FMO3: variants seen among roughly 807,000 people sequenced by gnomAD.
FMO3 encodes flavin containing dimethylaniline monoxygenase 3, also known as flavin-containing monooxygenase 3.
Under a neutral mutation model 39.4 loss-of-function variants are expected in FMO3, and 40 were observed. The ratio of observed to expected loss-of-function variants is 1.02; its 90% CI spans 0.79 to 1.32. FMO3 has a LOEUF of 1.32. FMO3 is among the 40% of genes most tolerant of loss of function. The pLI, the probability that FMO3 is intolerant of heterozygous loss-of-function variation, is 0.00. For missense variants in FMO3, 680 were observed against 651.8 expected, an observed-to-expected ratio of 1.04 and a Z score of -0.47; for synonymous variants, 219 against 228.8, an observed-to-expected ratio of 0.96 and a Z score of 0.39.
chr1:171,096,282 TATTA>T (rs1276459102), intron 2 of FMO3, among the ~76,000 whole-genome samples: 1 of 64,668 alleles, frequency 1.5e-5, no homozygotes, highest in African/African-American at 8.6e-5. Context: ...ATATTATATA[TATTA>T]TATATCTATT....
intron 3 of FMO3, among the ~76,000 whole-genome samples, chr1:171,105,592 G>C (rs1274847914): frequency 1.3e-5 from 2 of 151,898 alleles, no homozygotes; most frequent in East Asian, 3.9e-4. Context: ...TAACTGGTGT[G>C]AGATGGTATC....
In FMO3 at chr1:171,117,150, A is replaced by G. The variant is rs779178942; in HGVS notation, c.1307A>G (p.Glu436Gly). 6.2e-7 allele frequency: 1 copy of G among 1,614,204 alleles called. No homozygotes were observed. The highest frequency in any genetic ancestry group is 1.1e-5 in the South Asian group (1 of 91,086). The change falls in exon 9 of 9, where the codon GAA becomes GGA. Residue 436 changes from glutamate to glycine, a missense_variant. Physicochemically the swap from Glu to Gly is moderately conservative, Grantham distance 98. Transcript: ENST00000367755. Reference sequence around the variant, plus strand: ...ACAGATTACATTGTTTATATGGATGAACTCTCCTCCTTCATTGGGGCAAAG... The same window carrying G: ...ACAGATTACATTGTTTATATGGATGGACTCTCCTCCTTCATTGGGGCAAAG... ...IQTDYIVYMD[E>G]LSSFIGAKPN...
intron 1 of FMO3, among the ~76,000 whole-genome samples, chr1:171,091,462 A>C (rs1654700091): frequency 6.6e-6 from 1 of 152,150 alleles, no homozygotes; most frequent in East Asian, 1.9e-4. Flanking sequence ...AAGTAGTGAA[A>C]GAAGTAGTGG....
At chr1:171,096,332 AAT>A (rs1486506096) in intron 2 of FMO3, among the ~76,000 whole-genome samples, 1 of 94,896 alleles carries the variant, frequency 1.1e-5, no homozygotes, top group South Asian at 3.7e-4. Context: ...TAATATATAA[AAT>A]ATATAAATAT....
rs1571228317 is a variant in FMO3 at position 171,116,132 on chromosome 1, T to C, written c.1184-76T>C. 3 of 900,680 alleles carry C rather than the reference T, an allele frequency of 3.3e-6. No homozygotes were observed. In the East Asian group the frequency reaches 7.2e-5, roughly 22 times the overall value. The allele number at this position is 900,680 out of a possible 1,614,324, so 55.8% of individuals were successfully genotyped here. A position where few individuals can be genotyped will look rare whatever the true frequency, so the allele number is the denominator to read the frequency against. On this transcript the variant is annotated intron_variant, in intron 7 of 8. Coordinates refer to ENST00000367755, the MANE Select transcript of FMO3 (RefSeq NM_001002294.3). ...CCAATTAATGTAATTCATAACTCAT[T>C]ATTAAAAAGGGAAAATTACAGGCTG...
chr1:171,111,040 C>A, intron 6 of FMO3, 43 bp downstream of exon 6: 1 of 1,494,942 alleles, frequency 6.7e-7, no homozygotes, highest in South Asian at 1.1e-5. Context: ...GCTTTTAGTT[C>A]AGTGTCAACA....
chr1:171,108,114 A>G lies in FMO3; in HGVS notation c.520A>G (p.Arg174Gly), dbSNP rs201459120. 6.2e-7 allele frequency: 1 copy of G among 1,613,950 alleles called. No individual in the cohort carries two copies. The highest frequency in any genetic ancestry group is 8.5e-7 in the Non-Finnish European group (1 of 1,179,904). ...CTTTAAAGGCAAATGCTTCCACAGC[A>G]GGGACTATAAAGAACCAGGTGTATT... Reference protein sequence around the residue: ...NHFKGKCFHSRDYKEPGVFNG... With the variant: ...NHFKGKCFHSGDYKEPGVFNG... The change falls in exon 5 of 9, where the codon AGG becomes GGG. Residue 174 changes from arginine to glycine, a missense_variant. Transcript: ENST00000367755.
In FMO3 at chr1:171,108,232, CCGGGTACT is replaced by C; in HGVS notation, c.627+17_627+24del. On this transcript the variant is annotated intron_variant, in intron 5 of 8. Transcript: ENST00000367755. ...CGCACAGCAGAACAGGTACTACTCC[CCGGGTACT>C]CGGGTGACTCTCGTTACTGACAGAA... The C allele has an allele frequency of 2.5e-6, 4 of 1,613,606 alleles. No individual in the cohort carries two copies. The South Asian group carries it at 3.3e-5, about 13-fold the overall frequency.
rs1655746369 is a variant in FMO3, at chr1:171,108,309, G to A, written c.627+88G>A. On this transcript the variant is annotated intron_variant, in intron 5 of 8. Transcript: ENST00000367755. Reference sequence around the variant, plus strand: ...AGGTGTGATATGAAATGTGGGGGAGGAGGGAAGGGTATCTGATGTAAAGAC... The same window carrying A: ...AGGTGTGATATGAAATGTGGGGGAGAAGGGAAGGGTATCTGATGTAAAGAC... 18 of 1,484,562 alleles carry A rather than the reference G, an allele frequency of 1.2e-5. No homozygotes were observed. The South Asian group carries it at 1.6e-4, about 13-fold the overall frequency. 92.0% of individuals were successfully genotyped at this position (1,484,562 alleles called of 1,614,324 possible).
chr1:171,108,306 G>A (rs1181208015), intron 5 of FMO3, 85 bp downstream of exon 5: 1 of 1,502,022 alleles, frequency 6.7e-7, no homozygotes, highest in Non-Finnish European at 9.2e-7. Context: ...AAATGTGGGG[G>A]AGGAGGGAAG....
At chr1:171,105,528 C>T (rs1655600234) in intron 3 of FMO3, among the ~76,000 whole-genome samples, 3 of 152,064 alleles carry the variant, frequency 2.0e-5, no homozygotes, top group African/African-American at 4.8e-5. Context: ...GTTCCTATTT[C>T]TCCACATCCT....
At chr1:171,099,057 A>G in intron 2 of FMO3, among the ~76,000 whole-genome samples, 1 of 151,752 alleles carries the variant, frequency 6.6e-6, no homozygotes, top group Admixed American at 6.6e-5. Context: ...TTCCCTCTAC[A>G]CACTGCTTTA....
chr1:171,111,338 G>T (rs1655899736), intron 6 of FMO3, among the ~76,000 whole-genome samples: 2 of 152,250 alleles, frequency 1.3e-5, no homozygotes, highest in East Asian at 1.9e-4. Context: ...TATGAAGAGA[G>T]CTCTACTAGT....
rs756609903 is a variant in FMO3, at chr1:171,103,853, G to C, written c.201G>C (p.Met67Ile). The change falls in exon 3 of 9, where the codon ATG (methionine) becomes ATC (isoleucine). Residue 67 changes from methionine to isoleucine, a missense_variant. Coordinates refer to ENST00000367755, the MANE Select transcript of FMO3 (RefSeq NM_001002294.3). Reference protein sequence around the residue: ...SVFSNSSKEMMCFPDFPFPDD... With the variant: ...SVFSNSSKEMICFPDFPFPDD... ...TTTCCAACTCTTCCAAAGAGATGAT[G>C]TGTTTCCCAGACTTCCCATTTCCCG... 1 of 1,613,808 alleles carries C rather than the reference G, an allele frequency of 6.2e-7. No homozygotes were observed. Among genetic ancestry groups the C allele is most frequent in the Non-Finnish European group, 8.5e-7 (1 of 1,179,778 alleles).
chr1:171,094,496 G>T, intron 2 of FMO3, among the ~76,000 whole-genome samples: 1 of 151,816 alleles, frequency 6.6e-6, no homozygotes, highest in South Asian at 2.1e-4. Context: ...TGCTTTTGAG[G>T]CCTTAGTCAT....
chr1:171,117,511 T>A lies in FMO3; in HGVS notation c.*69T>A. On this transcript the variant is annotated 3_prime_UTR_variant, in exon 9 of 9. Transcript: ENST00000367755. The stretch of plus-strand genomic sequence containing the variant: ...AGACAGGGGCTTTGCTATTTAAAAA[T>A]TAAAATTTTCACACCACCTGCTTTT... The A allele has an allele frequency of 1.5e-6, 2 of 1,330,572 alleles. No individual in the cohort carries two copies. 82.4% of individuals were successfully genotyped at this position (1,330,572 alleles called of 1,614,324 possible).
At chr1:171,111,721 T>C (rs1306761160) in intron 6 of FMO3, among the ~76,000 whole-genome samples, 2 of 152,232 alleles carry the variant, frequency 1.3e-5, no homozygotes, top group Non-Finnish European at 2.9e-5. Flanking sequence ...AGTTACGAGC[T>C]GTTTTCATCA....
In FMO3 at chr1:171,114,165, C is replaced by T. The variant is rs773554234; in HGVS notation, c.986C>T (p.Thr329Ile). The T allele has an allele frequency of 2.5e-6, 4 of 1,613,908 alleles. No homozygotes were observed. The South Asian group carries it at 3.3e-5, about 13-fold the overall frequency. ...GGCATTGACTGTGTAATCTTTGCAA[C>T]AGGGTATAGTTTTGCCTACCCCTTC... ...FEGIDCVIFATGYSFAYPFLD... is the reference protein window; with the variant it reads ...FEGIDCVIFAIGYSFAYPFLD... Residue 329 changes from threonine (T) to isoleucine (I), a missense_variant, in exon 7 of 9, where the codon ACA becomes ATA. Transcript: ENST00000367755.
intron 2 of FMO3, among the ~76,000 whole-genome samples, chr1:171,095,946 T>C (rs1158599387): frequency 3.4e-3 from 1 of 298 alleles, no homozygotes; most frequent in African/African-American, 9.8e-3. Context: ...AATATATATT[T>C]ATGTATTATA....
Sources: gnomAD v4.1 joint callset for allele counts (sites outside exome capture counted in the v4.1 genomes callset) on GRCh38, gnomAD v4.1.1 for gene constraint, MANE v1.5 for transcripts, NCBI Gene and HGNC (gene_info 2026-07-23, HGNC 2026-07-21) for gene names.